The following PCDHGA4 variants were observed in gnomAD, a reference collection of about 807,000 sequenced individuals.
The protein encoded by PCDHGA4 is protocadherin gamma-A4.
Under a neutral mutation model 54.6 loss-of-function variants are expected in PCDHGA4, and 38 were observed. The observed-to-expected ratio is 0.70, with a 90% CI of 0.54 to 0.91. The LOEUF (loss-of-function observed/expected upper bound fraction) is 0.91, where lower values mean the gene tolerates loss of function less well. Among genes scored for constraint, PCDHGA4 ranks in the 40% least tolerant of loss-of-function variants. The probability of loss-of-function intolerance (pLI) is 0.00; values close to 1 mark genes in which losing one functional copy is unlikely to be tolerated. For synonymous variants in PCDHGA4, 511 were observed against 512.9 expected (o/e 1.00, Z 0.05); for missense variants, 1,298 against 1,220.9 (o/e 1.06, Z -0.94).
chr5:141,469,404 G>A (rs1439441297), intron 1 of PCDHGA4, among the ~76,000 whole-genome samples: 7 of 151,874 alleles, frequency 4.6e-5, no homozygotes, highest in African/African-American at 1.5e-4. Flanking sequence ...GTGAAACCCC[G>A]TTTCTACTAA....
chr5:141,370,840 G>C, intron 1 of PCDHGA4: 2 of 1,614,022 alleles, frequency 1.2e-6, no homozygotes, highest in Non-Finnish European at 1.7e-6. Flanking sequence ...GCTCTCACTG[G>C]AGCCACATTT....
At chr5:141,369,020 A>G (rs1349066558) in intron 1 of PCDHGA4, among the ~76,000 whole-genome samples, 1 of 152,204 alleles carries the variant, frequency 6.6e-6, no homozygotes, top group African/African-American at 2.4e-5. Context: ...TTATTGCTGC[A>G]CACTTGCCTA....
intron 1 of PCDHGA4, chr5:141,410,258 G>A: frequency 6.2e-7 from 1 of 1,614,022 alleles, no homozygotes; most frequent in East Asian, 2.2e-5. Context: ...TGACCCCCAG[G>A]CTGAACTGCA....
chr5:141,432,575 T>TACC lies in PCDHGA4; in HGVS notation c.2515-62231_2515-62229dup, dbSNP rs1044250629. 6.2e-7 allele frequency: 1 copy of TACC among 1,613,326 alleles called. No individual in the cohort carries two copies. The highest frequency in any genetic ancestry group is 1.3e-5 in the African/African-American group (1 of 74,718). ...CTCCGGCCAGAACGCCTGGCTGTCC[T>TACC]ACCGTCTGCTCAAGGCCAGCGAGCC... On this transcript the variant is annotated intron_variant, in intron 1 of 3. Transcript: ENST00000571252. This position sits in a 1 kb window ranked among gnomAD's most constrained non-coding sequence, Gnocchi z 6.0.
rs1219684339 is a variant in PCDHGA4, at chr5:141,506,444, CAA to C, written c.2662+983_2662+984del. Among the ~76,000 whole-genome samples the C allele has an allele frequency of 5.9e-3, 564 of 95,004 alleles. 2 individuals carry two copies. The highest frequency in any genetic ancestry group is 0.013 in the African/African-American group (317 of 25,186). 62.3% of individuals were successfully genotyped at this position (95,004 alleles called of 152,430 possible). Reference sequence around the variant, plus strand: ...CCTGGGCAACAGTCTCGCTCTGTCTCAAAAAAAAAAAAAAAAAAAAAGAGCAC... The same window carrying C: ...CCTGGGCAACAGTCTCGCTCTGTCTCAAAAAAAAAAAAAAAAAAAGAGCAC... On this transcript the variant is annotated intron_variant, in intron 3 of 3. Transcript: ENST00000571252.
intron 1 of PCDHGA4, chr5:141,427,536 G>T (rs758610182): frequency 1.6e-6 from 1 of 626,396 alleles, no homozygotes; most frequent in Non-Finnish European, 3.0e-6. Context: ...GGAGTACAAC[G>T]TCACCATCAC....
chr5:141,372,143 G>T, intron 1 of PCDHGA4: 2 of 1,613,784 alleles, frequency 1.2e-6, no homozygotes, highest in Admixed American at 1.7e-5. Context: ...GCTCTGCAGA[G>T]CCTGGCTACC....
rs1430844725 is a variant in PCDHGA4 at position 141,356,342 on chromosome 5, T to G, written c.1235T>G (p.Leu412Arg). ...GACAGTGACTCAGGAGGAAATGGCCTAGTCACATGTTCTATTCCAGATAAT... is the reference window on the plus strand; with the variant it reads ...GACAGTGACTCAGGAGGAAATGGCCGAGTCACATGTTCTATTCCAGATAAT... Reference protein sequence around the residue: ...VHDSDSGGNGLVTCSIPDNLP... With the variant: ...VHDSDSGGNGRVTCSIPDNLP... The change falls in exon 1 of 4, where the codon CTA (leucine) becomes CGA (arginine). Residue 412 changes from leucine (L) to arginine (R), a missense_variant. Transcript: ENST00000571252. 6.4e-7 allele frequency: 1 copy of G among 1,555,016 alleles called. No individual in the cohort carries two copies. Among genetic ancestry groups the G allele is most frequent in the Non-Finnish European group, 8.7e-7 (1 of 1,148,666 alleles).
At chr5:141,393,632 C>T (rs1477463079) in intron 1 of PCDHGA4, 1 of 1,613,930 alleles carries the variant, frequency 6.2e-7, no homozygotes, top group Non-Finnish European at 8.5e-7. Context: ...ATGAGGGAAT[C>T]AACGGAAAAG....
intron 1 of PCDHGA4, among the ~76,000 whole-genome samples, chr5:141,452,803 A>G (rs1045171800): frequency 2.6e-5 from 4 of 152,186 alleles, no homozygotes; most frequent in African/African-American, 9.7e-5. Context: ...TTTTTGCTGT[A>G]GTTTGTTCAT....
chr5:141,409,180 T>C (rs2095236494), intron 1 of PCDHGA4: 1 of 1,613,848 alleles, frequency 6.2e-7, no homozygotes, highest in Non-Finnish European at 8.5e-7. Flanking sequence ...ACGGAGGTGG[T>C]CTCTCTACCC....
chr5:141,390,408 T>C, intron 1 of PCDHGA4: 1 of 1,254,846 alleles, frequency 8.0e-7, no homozygotes, highest in Non-Finnish European at 1.1e-6. Context: ...AGGAAAGTTG[T>C]AGTCAGTTAA....
chr5:141,480,827 A>G (rs1455065731), intron 1 of PCDHGA4, among the ~76,000 whole-genome samples: 2 of 152,212 alleles, frequency 1.3e-5, no homozygotes, highest in Admixed American at 6.5e-5. Context: ...TGGGTGGATC[A>G]TAAGATCAGG....
intron 1 of PCDHGA4, chr5:141,378,978 T>C (rs999342982): frequency 3.3e-5 from 5 of 152,244 alleles, no homozygotes; most frequent in African/African-American, 1.2e-4. Flanking sequence ...TGATGACTTG[T>C]TGAACTACAT....
chr5:141,464,068 C>A (rs2099075218), intron 1 of PCDHGA4, among the ~76,000 whole-genome samples: 1 of 152,036 alleles, frequency 6.6e-6, no homozygotes, highest in Admixed American at 6.6e-5. Flanking sequence ...AGTTCAAGGC[C>A]AGCCTGGCCA....
At chr5:141,403,143 T>A in intron 1 of PCDHGA4, 1 of 1,613,850 alleles carries the variant, frequency 6.2e-7, no homozygotes, top group Non-Finnish European at 8.5e-7. Flanking sequence ...GAGCGCCGAG[T>A]CCGCATCGTC....
At chr5:141,503,675 T>C (rs1233495836) in intron 2 of PCDHGA4, among the ~76,000 whole-genome samples, 1 of 152,104 alleles carries the variant, frequency 6.6e-6, no homozygotes. Flanking sequence ...CTTCCCACTT[T>C]TGGGAAGGAG....
In PCDHGA4 at chr5:141,399,774, C is replaced by T. The variant is rs758550367; in HGVS notation, c.2514+42153C>T. The T allele has an allele frequency of 1.5e-5, 24 of 1,613,116 alleles. No homozygotes were observed. In the South Asian group the frequency reaches 2.4e-4, roughly 16 times the overall value. On this transcript the variant is annotated intron_variant, in intron 1 of 3. Transcript: ENST00000571252. Reference sequence around the variant, plus strand: ...ACGTGAGCCTGCGCGTGTTGGTGGGCGACCGAAACGACAACGCACCGCGGG... The same window carrying T: ...ACGTGAGCCTGCGCGTGTTGGTGGGTGACCGAAACGACAACGCACCGCGGG...
At chr5:141,478,173 A>G (rs1397071220) in intron 1 of PCDHGA4, 1 of 1,613,986 alleles carries the variant, frequency 6.2e-7, no homozygotes, top group Non-Finnish European at 8.5e-7. Flanking sequence ...CCCCGGGAGC[A>G]GAAAAAAAAT....
Sources: allele counts gnomAD v4.1 joint callset (sites outside exome capture counted in the v4.1 genomes callset), GRCh38; gene constraint gnomAD v4.1.1; non-coding constraint Gnocchi (gnomAD v3.1); transcripts MANE v1.5; gene names NCBI Gene and HGNC (gene_info 2026-07-23, HGNC 2026-07-21).